The following MED26 variants were observed in gnomAD, a reference collection of about 807,000 sequenced individuals.
The protein encoded by MED26 is mediator of RNA polymerase II transcription subunit 26.
In MED26, 7 loss-of-function variants were observed where a neutral mutation model predicts 43.7. That is an observed-to-expected ratio of 0.16 (90% CI 0.09 to 0.30). The LOEUF is 0.30. Among genes scored for constraint, MED26 ranks in the 10% least tolerant of loss-of-function variants. The probability of loss-of-function intolerance (pLI) is 1.00; values close to 1 mark genes in which losing one functional copy is unlikely to be tolerated. For synonymous variants in MED26, 375 were observed against 371.1 expected, an observed-to-expected ratio of 1.01 and a Z score of -0.12; for missense variants, 784 against 840.6, an observed-to-expected ratio of 0.93 and a Z score of 0.83.
At chr19:16,616,006 C>T (rs1424802536) in intron 1 of MED26, among the ~76,000 whole-genome samples, 1 of 152,194 alleles carries the variant, frequency 6.6e-6, no homozygotes, top group African/African-American at 2.4e-5. Flanking sequence ...CAGGAAGATG[C>T]AGCCCCATTA....
chr19:16,592,558 C>A (rs2086102670), intron 1 of MED26, among the ~76,000 whole-genome samples: 1 of 152,226 alleles, frequency 6.6e-6, no homozygotes, highest in East Asian at 1.9e-4. Flanking sequence ...CATGTCCCTT[C>A]CAAACAAAGT....
chr19:16,599,554 T>C (rs892267861), intron 1 of MED26, among the ~76,000 whole-genome samples: 9 of 152,140 alleles, frequency 5.9e-5, no homozygotes, highest in African/African-American at 1.9e-4. Context: ...GAATCCCATA[T>C]TAAAAGGGGG....
At chr19:16,608,754 G>A (rs2086185514) in intron 1 of MED26, among the ~76,000 whole-genome samples, 1 of 152,206 alleles carries the variant, frequency 6.6e-6, no homozygotes, top group South Asian at 2.1e-4. Context: ...TACAAAGATA[G>A]CAGTACAACA....
At chr19:16,598,336 CAA>C (rs35572400) in intron 1 of MED26, among the ~76,000 whole-genome samples, 2 of 63,416 alleles carry the variant, frequency 3.2e-5, no homozygotes, top group Non-Finnish European at 2.8e-5. Flanking sequence ...GATTCCATCT[CAA>C]AAAAAAAAAA....
rs1038183254 is a variant in MED26, at chr19:16,620,306, C to T, written c.72+7566G>A. 2.0e-5 allele frequency among the ~76,000 whole-genome samples: 3 copies of T among 152,232 alleles called. No individual in the cohort carries two copies. In the South Asian group the frequency reaches 6.2e-4, roughly 32 times the overall value. ...GGCTGTGTTCCAACCCCAGCCTCAT[C>T]CCATCTAGCCTCCTTCCAGCTGTGT... On this transcript the variant is annotated intron_variant, in intron 1 of 2. Transcript: ENST00000263390.
At chr19:16,601,301 A>G (rs2086148239) in intron 1 of MED26, among the ~76,000 whole-genome samples, 1 of 151,008 alleles carries the variant, frequency 6.6e-6, no homozygotes, top group South Asian at 2.2e-4. Flanking sequence ...GATTACAGGC[A>G]TGCGCCACCA....
intron 1 of MED26, among the ~76,000 whole-genome samples, chr19:16,619,837 G>C (rs1053571134): frequency 2.6e-5 from 4 of 152,184 alleles, no homozygotes; most frequent in Admixed American, 6.5e-5. Context: ...CCACCACCAG[G>C]GTGTGGCCTG....
rs181129811 is a variant in MED26 at position 16,621,030 on chromosome 19, A to G, written c.72+6842T>C. On this transcript the variant is annotated intron_variant, in intron 1 of 2. Transcript: ENST00000263390. ...GGGGGAAAAGTTGTAGGAACTGGGA[A>G]GGAATGGAATTCAAAATGTAACATG... 5.0e-4 allele frequency among the ~76,000 whole-genome samples: 76 copies of G among 152,366 alleles called. 1 individual carries two copies. The highest frequency in any genetic ancestry group is 1.8e-3 in the African/African-American group (73 of 41,584).
At chr19:16,579,571 C>T (rs568718609) in intron 1 of MED26, among the ~76,000 whole-genome samples, 1 of 152,282 alleles carries the variant, frequency 6.6e-6, no homozygotes, top group South Asian at 2.1e-4. Context: ...TACTGACTCC[C>T]TTAATTGTTA....
intron 1 of MED26, among the ~76,000 whole-genome samples, chr19:16,603,522 G>A (rs2086159263): frequency 6.6e-6 from 1 of 152,124 alleles, no homozygotes; most frequent in Non-Finnish European, 1.5e-5. Flanking sequence ...CTATGCTGAT[G>A]TATCAAGGGC....
In MED26 at chr19:16,576,407, T is replaced by TCAA; in HGVS notation, c.1422_1423insTTG (p.Gln474_Thr475insLeu). 1 of 1,614,076 alleles carries TCAA rather than the reference T, an allele frequency of 6.2e-7. No homozygotes were observed. Among genetic ancestry groups the TCAA allele is most frequent in the Non-Finnish European group, 8.5e-7 (1 of 1,180,010 alleles). ...TTGCGTGACAGCTCCTTCCAGTTCGTCTGTTCGAAGGGGCTCTGGAGGCTG... is the reference window on the plus strand; with the variant it reads ...TTGCGTGACAGCTCCTTCCAGTTCGTCAACTGTTCGAAGGGGCTCTGGAGGCTG... On this transcript the variant is annotated inframe_insertion, in exon 3 of 3. Transcript: ENST00000263390. This position sits in a 1 kb window ranked among gnomAD's most constrained non-coding sequence, Gnocchi z 6.8.
In MED26 at chr19:16,605,315, C is replaced by T. The variant is rs867653621; in HGVS notation, c.72+22557G>A. Among the ~76,000 whole-genome samples, 10 of 152,294 alleles carry T rather than the reference C, an allele frequency of 6.6e-5. 1 individual carries two copies. The Middle Eastern group carries it at 0.02, about 311-fold the overall frequency. On this transcript the variant is annotated intron_variant, in intron 1 of 2. Transcript: ENST00000263390. ...GTTGGAGGTAGAATCAGAAAGACAG[C>T]TGAGAGGAAAGTCCCTAAGTATGGT...
At chr19:16,583,792 G>A (rs986412008) in intron 1 of MED26, among the ~76,000 whole-genome samples, 1 of 152,190 alleles carries the variant, frequency 6.6e-6, no homozygotes, top group Admixed American at 6.5e-5. Flanking sequence ...AGGTACACAT[G>A]GGCCAATAGG....
intron 1 of MED26, among the ~76,000 whole-genome samples, chr19:16,620,499 G>A (rs954240384): frequency 6.6e-6 from 1 of 152,258 alleles, no homozygotes; most frequent in African/African-American, 2.4e-5. Flanking sequence ...TTTACAGTGA[G>A]AGCACCAAGC....
intron 1 of MED26, chr19:16,611,302 G>A (rs1458757438): frequency 1.3e-5 from 2 of 152,320 alleles, no homozygotes; most frequent in Admixed American, 6.5e-5. Flanking sequence ...GTGTTGTCCA[G>A]TCATTTTTGG....
intron 1 of MED26, among the ~76,000 whole-genome samples, chr19:16,599,168 A>C (rs1457131138): frequency 6.6e-6 from 1 of 151,580 alleles, no homozygotes; most frequent in Non-Finnish European, 1.5e-5. Context: ...TTTCTACTTC[A>C]CTCTTGTCTT....
In MED26 at chr19:16,586,031, C is replaced by T. The variant is rs532464596; in HGVS notation, c.73-7622G>A. ...GTTTTGAGTCCCAGCAGCCCCTTGG[C>T]TTGCCTCTCCATTTTCTCCACATCT... On this transcript the variant is annotated intron_variant, in intron 1 of 2. Coordinates refer to ENST00000263390, the MANE Select transcript of MED26 (RefSeq NM_004831.5). The surrounding 1 kb of genome is among the most constrained non-coding windows in gnomAD (Gnocchi z 5.1). 6.6e-6 allele frequency among the ~76,000 whole-genome samples: 1 copy of T among 152,372 alleles called. No homozygotes were observed. The highest frequency in any genetic ancestry group is 1.9e-4 in the East Asian group (1 of 5,194).
In MED26 at chr19:16,616,925, C is replaced by T. The variant is rs1161055112; in HGVS notation, c.72+10947G>A. The stretch of plus-strand genomic sequence containing the variant: ...TGCCCATGGTGAGCACAGAGAACAG[C>T]GCCCTAAAGAGAAGACAACCTGGCG... On this transcript the variant is annotated intron_variant, in intron 1 of 2. Coordinates refer to ENST00000263390, the MANE Select transcript of MED26 (RefSeq NM_004831.5). 3.3e-5 allele frequency among the ~76,000 whole-genome samples: 5 copies of T among 152,242 alleles called. No individual in the cohort carries two copies. The East Asian group carries it at 9.6e-4, about 29-fold the overall frequency.
Position 16,599,846 on chromosome 19 carries a change from G to T in MED26, c.73-21437C>A, listed in dbSNP as rs556166311. Among the ~76,000 whole-genome samples, 27 of 152,344 alleles carry T rather than the reference G, an allele frequency of 1.8e-4. No individual in the cohort carries two copies. The South Asian group carries it at 4.6e-3, about 26-fold the overall frequency. ...CACCTGTACAGGGGACTGTGCCATTGAGCCCACAGGTGCTCTGAGGACAGG... is the reference window on the plus strand; with the variant it reads ...CACCTGTACAGGGGACTGTGCCATTTAGCCCACAGGTGCTCTGAGGACAGG... On this transcript the variant is annotated intron_variant, in intron 1 of 2. Transcript: ENST00000263390.
Sources: allele counts gnomAD v4.1 joint callset (sites outside exome capture counted in the v4.1 genomes callset), GRCh38; gene constraint gnomAD v4.1.1; non-coding constraint Gnocchi (gnomAD v3.1); transcripts MANE v1.5; gene names NCBI Gene and HGNC (gene_info 2026-07-23, HGNC 2026-07-21).